Variants in MLLT10 observed in about 807,000 individuals in gnomAD.
The protein encoded by MLLT10 is MLLT10 histone lysine methyltransferase DOT1L cofactor.
MLLT10 carries 30 observed loss-of-function variants against 129.1 expected under a neutral mutation model. The observed-to-expected ratio is 0.23, with a 90% CI of 0.17 to 0.32. MLLT10 has a LOEUF of 0.32. Among genes scored for constraint, MLLT10 ranks in the 10% least tolerant of loss-of-function variants. MLLT10 has a pLI of 1.00. For synonymous variants in MLLT10, 490 were observed against 446.4 expected (o/e 1.10, Z -1.23); for missense variants, 1,119 against 1,268.3 (o/e 0.88, Z 1.79).
chr10:21,645,796 C>T (rs926208745), intron 8 of MLLT10, among the ~76,000 whole-genome samples: 1 of 152,170 alleles, frequency 6.6e-6, no homozygotes, highest in Non-Finnish European at 1.5e-5. Context: ...AAGATATGAA[C>T]TTACAAGTAT....
At chr10:21,627,635 T>C (rs925286148) in intron 8 of MLLT10, among the ~76,000 whole-genome samples, 3 of 152,170 alleles carry the variant, frequency 2.0e-5, no homozygotes, top group African/African-American at 7.2e-5. Context: ...AAAAAAGGGG[T>C]TTGTAGCCAT....
chr10:21,711,693 T>C (rs1589764595), intron 13 of MLLT10, among the ~76,000 whole-genome samples: 1 of 151,650 alleles, frequency 6.6e-6, no homozygotes, highest in Non-Finnish European at 1.5e-5. Flanking sequence ...TGCAGTGAGC[T>C]ATGATTGCAC....
At chr10:21,681,494 TA>T (rs1357731160) in intron 12 of MLLT10, 118 bp downstream of exon 12, 4 of 660,300 alleles carry the variant, frequency 6.1e-6, no homozygotes, top group African/African-American at 1.9e-5. Context: ...AAGTTTTTCT[TA>T]ATTGAACAGA....
chr10:21,641,654 A>G (rs374749571), intron 8 of MLLT10, among the ~76,000 whole-genome samples: 1 of 152,078 alleles, frequency 6.6e-6, no homozygotes, highest in East Asian at 1.9e-4. Context: ...GACCAAAAAA[A>G]CTTTTTTCCC....
chr10:21,554,429 A>G (rs1588897537), intron 3 of MLLT10, among the ~76,000 whole-genome samples: 1 of 151,438 alleles, frequency 6.6e-6, no homozygotes, highest in East Asian at 1.9e-4. Flanking sequence ...TGGGCGTGCC[A>G]CTACTCCTGG....
intron 14 of MLLT10, among the ~76,000 whole-genome samples, chr10:21,722,238 G>C (rs1482345600): frequency 6.6e-6 from 1 of 152,126 alleles, no homozygotes; most frequent in African/African-American, 2.4e-5. Context: ...TATTCTTACA[G>C]TACCAGCAGA....
chr10:21,704,016 G>GTTTTTTTTTTTTT lies in MLLT10; in HGVS notation c.1700-9745_1700-9733dup, dbSNP rs60982595. ...ACATTTTGGATTTCGATTGTTTTTT[G>GTTTTTTTTTTTTT]TTTTTTTTTTTTTTTTTTTTTTTGA... On this transcript the variant is annotated intron_variant, in intron 13 of 22. Transcript: ENST00000307729. 7.0e-3 allele frequency among the ~76,000 whole-genome samples: 394 copies of GTTTTTTTTTTTTT among 56,596 alleles called. 13 individuals carry two copies. The highest frequency in any genetic ancestry group is 8.5e-3 in the South Asian group (9 of 1,060). The allele number at this position is 56,596 out of a possible 152,430, so 37.1% of individuals were successfully genotyped here. A position where few individuals can be genotyped will look rare whatever the true frequency, so the allele number is the denominator to read the frequency against.
chr10:21,640,229 T>C (rs1233019690), intron 8 of MLLT10, among the ~76,000 whole-genome samples: 1 of 144,104 alleles, frequency 6.9e-6, no homozygotes, highest in Non-Finnish European at 1.5e-5. Flanking sequence ...ATATATTATA[T>C]ATTATGTAAT....
chr10:21,730,726 T>C lies in MLLT10; in HGVS notation c.2064-174T>C, dbSNP rs149188341. 6.3e-4 allele frequency among the ~76,000 whole-genome samples: 96 copies of C among 152,330 alleles called. 1 individual carries two copies. The highest frequency in any genetic ancestry group is 4.4e-5 in the Non-Finnish European group (3 of 68,036). On this transcript the variant is annotated intron_variant, in intron 16 of 22. Transcript: ENST00000307729. ...TAATATTGGGAGGAAGAATGATAAT[T>C]ACTCAATTTTAGGGTAGATTATGGT... is the stretch of plus-strand genomic sequence containing the variant.
intron 5 of MLLT10, among the ~76,000 whole-genome samples, chr10:21,607,617 T>C (rs1180824949): frequency 2.6e-5 from 4 of 152,168 alleles, no homozygotes; most frequent in African/African-American, 7.2e-5. Flanking sequence ...CACCCCTGGC[T>C]AGGTGTTAAT....
chr10:21,714,843 A>T (rs1171759288), intron 14 of MLLT10, among the ~76,000 whole-genome samples: 2 of 152,138 alleles, frequency 1.3e-5, no homozygotes, highest in African/African-American at 4.8e-5. Flanking sequence ...AGATGTTTTA[A>T]AAGAGTCATA....
rs571245542 is a variant in MLLT10, at chr10:21,598,769, G to A, written c.405+3329G>A. 7.3e-5 allele frequency among the ~76,000 whole-genome samples: 11 copies of A among 150,578 alleles called. No individual in the cohort carries two copies. In the East Asian group the frequency reaches 2.2e-3, roughly 30 times the overall value. ...GTGGTGCACGCCTGTAATCCCAGCT[G>A]CTTGGGAGGCTGAGGCATGACGAGA... On this transcript the variant is annotated intron_variant, in intron 5 of 22. Transcript: ENST00000307729.
chr10:21,699,454 C>T (rs1281826464), intron 13 of MLLT10, among the ~76,000 whole-genome samples: 2 of 151,946 alleles, frequency 1.3e-5, no homozygotes, highest in African/African-American at 2.4e-5. Context: ...TTTGCCTAGA[C>T]CAATGTCCTG....
In MLLT10 at chr10:21,704,016, G is replaced by GTTTTTTTTTTTTTTTTTTT. The variant is rs60982595; in HGVS notation, c.1700-9751_1700-9733dup. 6.7e-4 allele frequency among the ~76,000 whole-genome samples: 38 copies of GTTTTTTTTTTTTTTTTTTT among 56,630 alleles called. 2 individuals are homozygous for GTTTTTTTTTTTTTTTTTTT. Among genetic ancestry groups the GTTTTTTTTTTTTTTTTTTT allele is most frequent in the East Asian group, 1.8e-3 (3 of 1,644 alleles). 37.2% of individuals were successfully genotyped at this position (56,630 alleles called of 152,430 possible). The stretch of plus-strand genomic sequence containing the variant: ...ACATTTTGGATTTCGATTGTTTTTT[G>GTTTTTTTTTTTTTTTTTTT]TTTTTTTTTTTTTTTTTTTTTTTGA... On this transcript the variant is annotated intron_variant, in intron 13 of 22. Coordinates refer to ENST00000307729, the MANE Select transcript of MLLT10 (RefSeq NM_001195626.3).
intron 3 of MLLT10, among the ~76,000 whole-genome samples, chr10:21,576,905 A>G (rs1233991948): frequency 6.6e-6 from 1 of 152,248 alleles, no homozygotes; most frequent in Non-Finnish European, 1.5e-5. Flanking sequence ...TGCTGGGGTT[A>G]CAGGCGTGGG....
intron 14 of MLLT10, among the ~76,000 whole-genome samples, chr10:21,722,515 C>T (rs1011963595): frequency 6.6e-6 from 1 of 152,046 alleles, no homozygotes; most frequent in African/African-American, 2.4e-5. Flanking sequence ...CTTTCATGCC[C>T]TTGATGCTTC....
In MLLT10 at chr10:21,681,386, C is replaced by T. The variant is rs1317070306; in HGVS notation, c.1666+10C>T. The T allele has an allele frequency of 6.3e-7, 1 of 1,595,052 alleles. No homozygotes were observed. The highest frequency in any genetic ancestry group is 8.6e-7 in the Non-Finnish European group (1 of 1,164,450). On this transcript the variant is annotated intron_variant, in intron 12 of 22. Coordinates refer to ENST00000307729, the MANE Select transcript of MLLT10 (RefSeq NM_001195626.3). ...GCTTGCCCAACAACTAGTAAGTTGT[C>T]AAACTGGGTTGATAACCCGGGCCTT...
rs1589142838 is a variant in MLLT10, at chr10:21,595,310, CATTT to C, written c.296-8_296-5del. 14 of 1,573,198 alleles carry C rather than the reference CATTT, an allele frequency of 8.9e-6. No individual in the cohort carries two copies. Among genetic ancestry groups the C allele is most frequent in the African/African-American group, 2.7e-5 (2 of 74,124 alleles). Reference sequence around the variant, plus strand: ...GCTTTCGATAAAACTGAAAAGATGACATTTATTTATTTATTTTTAGGTTGGGCCC... The same window carrying C: ...GCTTTCGATAAAACTGAAAAGATGACATTTATTTATTTTTAGGTTGGGCCC... On this transcript the variant is annotated splice_polypyrimidine_tract_variant and intron_variant, in intron 4 of 22. Coordinates refer to ENST00000307729, the MANE Select transcript of MLLT10 (RefSeq NM_001195626.3).
chr10:21,620,713 G>A (rs1301379475), intron 8 of MLLT10, among the ~76,000 whole-genome samples: 1 of 151,778 alleles, frequency 6.6e-6, no homozygotes, highest in African/African-American at 2.4e-5. Context: ...TTACTGAGGC[G>A]GAGTCTTGCT....
Sources: gnomAD v4.1 joint callset for allele counts (sites outside exome capture counted in the v4.1 genomes callset) on GRCh38, gnomAD v4.1.1 for gene constraint, MANE v1.5 for transcripts, NCBI Gene and HGNC (gene_info 2026-07-23, HGNC 2026-07-21) for gene names.